Variants in IGSF3 observed in about 807,000 individuals in gnomAD.
IGSF3 encodes immunoglobulin superfamily member 3, also known as glu-Trp-Ile EWI motif-containing protein 3.
IGSF3 carries 23 observed loss-of-function variants against 114.4 expected under a neutral mutation model. The observed-to-expected ratio is 0.20, with a 90% CI of 0.14 to 0.28. IGSF3 has a LOEUF of 0.28. IGSF3 is among the 10% of genes least tolerant of loss of function. The pLI, the probability that IGSF3 is intolerant of heterozygous loss-of-function variation, is 1.00. For missense variants in IGSF3, 1,172 were observed against 1,591.5 expected, an observed-to-expected ratio of 0.74 and a Z score of 4.48; for synonymous variants, 571 against 645.2, an observed-to-expected ratio of 0.88 and a Z score of 1.74.
chr1:116,634,880 C>T lies in IGSF3; in HGVS notation c.44-18423G>A, dbSNP rs187889532. Among the ~76,000 whole-genome samples, 319 of 152,142 alleles carry T rather than the reference C, an allele frequency of 2.1e-3. 1 individual carries two copies. The highest frequency in any genetic ancestry group is 3.9e-3 in the Non-Finnish European group (263 of 68,012). ...TGCGGTGTAAGCCATCTGCCTGCTC[C>T]GAGCCCGCCACACTATAAGGAAGCC... On this transcript the variant is annotated intron_variant, in intron 2 of 10. Transcript: ENST00000369486. The surrounding 1 kb of genome is among the most constrained non-coding windows in gnomAD (Gnocchi z 4.2).
Position 116,576,965 on chromosome 1 carries a change from A to G in IGSF3, c.*347T>C, listed in dbSNP as rs1659369479. The G allele has an allele frequency of 5.0e-6, 1 of 200,964 alleles. No homozygotes were observed. Among genetic ancestry groups the G allele is most frequent in the South Asian group, 1.1e-4 (1 of 8,918 alleles). The allele number at this position is 200,964 out of a possible 1,614,324, so 12.4% of individuals were successfully genotyped here. ...AAGGGTAAACTAAAGGGATTTAAAA[A>G]GAGTACATTACAAAGAATAAGAAGC... is the stretch of plus-strand genomic sequence containing the variant. On this transcript the variant is annotated 3_prime_UTR_variant, in exon 11 of 11. Transcript: ENST00000369486. This position sits in a 1 kb window ranked among gnomAD's most constrained non-coding sequence, Gnocchi z 4.6.
chr1:116,663,325 G>A (rs1571201565), intron 2 of IGSF3, among the ~76,000 whole-genome samples: 1 of 152,224 alleles, frequency 6.6e-6, no homozygotes, highest in South Asian at 2.1e-4. Flanking sequence ...CTCCCAGACA[G>A]AGGCACTTTT....
rs376490991 is a variant in IGSF3, at chr1:116,604,345, A to G, written c.1223-320T>C. Reference sequence around the variant, plus strand: ...TGATGTTTAGGGCATAAAACAATTTATTGGGTAATCTATTCAGCTGGAGTT... The same window carrying G: ...TGATGTTTAGGGCATAAAACAATTTGTTGGGTAATCTATTCAGCTGGAGTT... On this transcript the variant is annotated intron_variant, in intron 5 of 10. Transcript: ENST00000369486. Among the ~76,000 whole-genome samples, 14 of 152,300 alleles carry G rather than the reference A, an allele frequency of 9.2e-5. No homozygotes were observed. In the East Asian group the frequency reaches 9.6e-4, roughly 10 times the overall value.
intron 7 of IGSF3, among the ~76,000 whole-genome samples, chr1:116,597,176 CCT>C (rs1485172532): frequency 1.3e-5 from 2 of 152,178 alleles, no homozygotes; most frequent in Admixed American, 6.5e-5. Flanking sequence ...TCTCTCAGAG[CCT>C]CTGTTACTTC....
At chr1:116,611,288 G>A (rs1433372266) in intron 4 of IGSF3, among the ~76,000 whole-genome samples, 1 of 152,132 alleles carries the variant, frequency 6.6e-6, no homozygotes, top group African/African-American at 2.4e-5. Flanking sequence ...CAAAGGAAGG[G>A]GACTTTTTAT....
chr1:116,667,444 G>C (rs796586168), intron 1 of IGSF3, among the ~76,000 whole-genome samples, 174 bp downstream of exon 1: 23 of 152,166 alleles, frequency 1.5e-4, no homozygotes, highest in African/African-American at 4.1e-4. Context: ...TCAGCTGCCG[G>C]AGCGCGCTCG....
chr1:116,600,316 G>A lies in IGSF3; in HGVS notation c.1654C>T (p.Arg552Trp), dbSNP rs1359569947. The A allele has an allele frequency of 5.6e-6, 9 of 1,610,804 alleles. No individual in the cohort carries two copies. Among genetic ancestry groups the A allele is most frequent in the Admixed American group, 1.7e-5 (1 of 59,976 alleles). Residue 552 changes from arginine (R) to tryptophan (W), a missense_variant, in exon 7 of 11, where the codon CGG becomes TGG. Arg to Trp is a moderately radical substitution (Grantham distance 101). Transcript: ENST00000369486. The surrounding 1 kb of genome is among the most constrained non-coding windows in gnomAD (Gnocchi z 5.5). ...TCGCTGTAGGTCACCCCCGGTGTCC[G>A]GGAGATGGCTGTGACTGCGAAGCCC... ...EMGFAVTAIS[R>W]TPGVTYSDSF... is the part of the protein sequence containing the mutation.
At chr1:116,630,354 A>G (rs1216175114) in intron 2 of IGSF3, among the ~76,000 whole-genome samples, 1 of 152,252 alleles carries the variant, frequency 6.6e-6, no homozygotes, top group South Asian at 2.1e-4. Flanking sequence ...CACCTGAAAC[A>G]GGAAATAAGG....
At chr1:116,606,423 A>T in intron 5 of IGSF3, 3 of 1,608,822 alleles carry the variant, frequency 1.9e-6, no homozygotes, top group Non-Finnish European at 2.5e-6. Flanking sequence ...TAGGAGGAAA[A>T]GCGCCATTAA....
rs1464312603 is a variant in IGSF3 at position 116,615,798 on chromosome 1, T to C, written c.421+282A>G. On this transcript the variant is annotated intron_variant, in intron 3 of 10. Transcript: ENST00000369486. This position sits in a 1 kb window ranked among gnomAD's most constrained non-coding sequence, Gnocchi z 4.3. ...TTCAGATCATCAACCACAAACATCC[T>C]TGCCTTATATTTTCATATCCCTTTT... 6.6e-6 allele frequency among the ~76,000 whole-genome samples: 1 copy of C among 152,234 alleles called. No individual in the cohort carries two copies. Among genetic ancestry groups the C allele is most frequent in the Admixed American group, 6.5e-5 (1 of 15,286 alleles).
At chr1:116,599,553 A>G (rs1660485649) in intron 7 of IGSF3, among the ~76,000 whole-genome samples, 1 of 152,176 alleles carries the variant, frequency 6.6e-6, no homozygotes, top group African/African-American at 2.4e-5. Flanking sequence ...CAACTGGGGA[A>G]ATGTAGGTGG....
Position 116,613,991 on chromosome 1 carries a change from G to A in IGSF3, c.606C>T (p.Phe202=). 1.2e-6 allele frequency: 2 copies of A among 1,614,056 alleles called. No homozygotes were observed. The highest frequency in any genetic ancestry group is 1.7e-6 in the Non-Finnish European group (2 of 1,179,940). The change falls in exon 4 of 11, where the codon TTC becomes TTT. Residue 202 remains phenylalanine (F), a synonymous_variant. Transcript: ENST00000369486. Reference sequence around the variant, plus strand: ...CATATTCGCTGCTGGAGTGAAGCATGAAATCTCGGCTCAGGGAGATGACCT... The same window carrying A: ...CATATTCGCTGCTGGAGTGAAGCATAAAATCTCGGCTCAGGGAGATGACCT... ...PVEVISLSRD[F]MLHSSSEYAQ...
At position 116,666,488 on chromosome 1, in the gene IGSF3, AGTT is replaced by A; in HGVS notation, c.-165_-163del. The A allele has an allele frequency of 2.9e-6, 2 of 689,894 alleles. No individual in the cohort carries two copies. Among genetic ancestry groups the A allele is most frequent in the Non-Finnish European group, 5.1e-6 (2 of 392,270 alleles). The allele number at this position is 689,894 out of a possible 1,614,324, so 42.7% of individuals were successfully genotyped here. ...TAAAAAGAAGAGATCAGAAGGAGGG[AGTT>A]GGGGGGAAGGGGAGGAGTGGAGGCA... On this transcript the variant is annotated 5_prime_UTR_variant, in exon 2 of 11. Transcript: ENST00000369486.
At position 116,588,160 on chromosome 1, in the gene IGSF3, G is replaced by C. The variant is rs1362317499; in HGVS notation, c.2440+534C>G. On this transcript the variant is annotated intron_variant, in intron 8 of 10. Coordinates refer to ENST00000369486, the MANE Select transcript of IGSF3 (RefSeq NM_001007237.3). The surrounding 1 kb of genome is among the most constrained non-coding windows in gnomAD (Gnocchi z 4.9). ...TTCTGGCAGAGGTTGAGTGCCACCTGTGAGGGAGAGGAATAAGGGCTACAC... is the reference window on the plus strand; with the variant it reads ...TTCTGGCAGAGGTTGAGTGCCACCTCTGAGGGAGAGGAATAAGGGCTACAC... Among the ~76,000 whole-genome samples, 1 of 152,198 alleles carries C rather than the reference G, an allele frequency of 6.6e-6. No homozygotes were observed. Among genetic ancestry groups the C allele is most frequent in the Non-Finnish European group, 1.5e-5 (1 of 68,026 alleles).
rs758965924 is a variant in IGSF3, at chr1:116,633,872, G to A, written c.44-17415C>T. Among the ~76,000 whole-genome samples the A allele has an allele frequency of 5.9e-5, 9 of 152,220 alleles. No homozygotes were observed. The highest frequency in any genetic ancestry group is 1.3e-4 in the Non-Finnish European group (9 of 68,042). ...AGAAAAAGCTTGAACAGAATCCAGGGCTGAGGTCAGCCCTGAGTCTGTAGG... is the reference window on the plus strand; with the variant it reads ...AGAAAAAGCTTGAACAGAATCCAGGACTGAGGTCAGCCCTGAGTCTGTAGG... On this transcript the variant is annotated intron_variant, in intron 2 of 10. Coordinates refer to ENST00000369486, the MANE Select transcript of IGSF3 (RefSeq NM_001007237.3). This position sits in a 1 kb window ranked among gnomAD's most constrained non-coding sequence, Gnocchi z 4.3.
At chr1:116,602,653 G>C (rs1214318593) in intron 6 of IGSF3, among the ~76,000 whole-genome samples, 4 of 152,218 alleles carry the variant, frequency 2.6e-5, no homozygotes, top group East Asian at 1.9e-4. Flanking sequence ...ATCTTTACTG[G>C]AAGTATCCAA....
At position 116,624,799 on chromosome 1, in the gene IGSF3, A is replaced by G. The variant is rs1661525203; in HGVS notation, c.44-8342T>C. 6.6e-6 allele frequency among the ~76,000 whole-genome samples: 1 copy of G among 152,226 alleles called. No homozygotes were observed. Among genetic ancestry groups the G allele is most frequent in the Non-Finnish European group, 1.5e-5 (1 of 68,036 alleles). The stretch of plus-strand genomic sequence containing the variant: ...CCTGAACCACCACATAAGACAGCCA[A>G]CGGTCCTGAGGCCATGCTGTGAGGG... On this transcript the variant is annotated intron_variant, in intron 2 of 10. Coordinates refer to ENST00000369486, the MANE Select transcript of IGSF3 (RefSeq NM_001007237.3). The surrounding 1 kb of genome is among the most constrained non-coding windows in gnomAD (Gnocchi z 4.9).
rs1207960805 is a variant in IGSF3, at chr1:116,625,527, G to A, written c.44-9070C>T. Among the ~76,000 whole-genome samples the A allele has an allele frequency of 6.6e-6, 1 of 152,206 alleles. No homozygotes were observed. The highest frequency in any genetic ancestry group is 1.5e-5 in the Non-Finnish European group (1 of 68,042). ...ATTAATAAAGTCAAACACCTCCTCT[G>A]GGACTGGGGAAGTTGAGAAAGAGCC... On this transcript the variant is annotated intron_variant, in intron 2 of 10. Coordinates refer to ENST00000369486, the MANE Select transcript of IGSF3 (RefSeq NM_001007237.3). This position sits in a 1 kb window ranked among gnomAD's most constrained non-coding sequence, Gnocchi z 4.7.
Position 116,585,088 on chromosome 1 carries a change from G to A in IGSF3, c.2441-36C>T, listed in dbSNP as rs1204637823. On this transcript the variant is annotated intron_variant, in intron 8 of 10. Coordinates refer to ENST00000369486, the MANE Select transcript of IGSF3 (RefSeq NM_001007237.3). The surrounding 1 kb of genome is among the most constrained non-coding windows in gnomAD (Gnocchi z 4.9). Reference sequence around the variant, plus strand: ...AAGGAAGAGACGTCAGCGACAAAAGGACAACAAGCAATTCGTACGCACCCT... The same window carrying A: ...AAGGAAGAGACGTCAGCGACAAAAGAACAACAAGCAATTCGTACGCACCCT... The A allele has an allele frequency of 2.7e-6, 4 of 1,489,910 alleles. No homozygotes were observed. The highest frequency in any genetic ancestry group is 2.8e-5 in the African/African-American group (2 of 71,376). 92.3% of individuals were successfully genotyped at this position (1,489,910 alleles called of 1,614,324 possible).
Sources: allele counts gnomAD v4.1 joint callset (sites outside exome capture counted in the v4.1 genomes callset), GRCh38; gene constraint gnomAD v4.1.1; non-coding constraint Gnocchi (gnomAD v3.1); transcripts MANE v1.5; gene names NCBI Gene and HGNC (gene_info 2026-07-23, HGNC 2026-07-21).